The following NOS2 variants were observed in gnomAD, a reference collection of about 807,000 sequenced individuals.
The protein encoded by NOS2 is nitric oxide synthase 2, also known as nitric oxide synthase, inducible.
A neutral mutation model predicts 136.0 loss-of-function variants in NOS2; 96 were observed. The observed-to-expected ratio is 0.71, with a 90% CI of 0.60 to 0.84. NOS2 has a LOEUF of 0.84. Ranked by LOEUF, NOS2 falls within the 40% of genes least tolerant of loss-of-function variation. The probability of loss-of-function intolerance (pLI) is 0.00; values close to 1 mark genes in which losing one functional copy is unlikely to be tolerated. For missense variants in NOS2, 1,237 were observed against 1,496.9 expected (o/e 0.83, Z 2.87); for synonymous variants, 539 against 587.5 (o/e 0.92, Z 1.20).
intron 1 of NOS2, among the ~76,000 whole-genome samples, chr17:27,799,936 A>T (rs1909480279): frequency 6.6e-6 from 1 of 152,210 alleles, no homozygotes; most frequent in Admixed American, 6.5e-5. Flanking sequence ...TCTACCAGTT[A>T]TGTGTCCTGG....
rs766484932 is a variant in NOS2 at position 27,789,673 on chromosome 17, A to T, written c.126T>A (p.Asp42Glu). Reference sequence around the variant, plus strand: ...TGCTGAGGTTGTGATACTGAAGGTCATCCTGTGTCACTGGACTGTGAAAGG... The same window carrying T: ...TGCTGAGGTTGTGATACTGAAGGTCTTCCTGTGTCACTGGACTGTGAAAGG... ...PCATSSPVTQ[D>E]DLQYHNLSKQ... The change falls in exon 3 of 27, where the codon GAT becomes GAA. Residue 42 changes from aspartate (D) to glutamate (E), a missense_variant. Around this residue, in one of 3 missense-constraint regions of NOS2, gnomAD observed 440 missense variants for 545.4 expected, o/e 0.81. Transcript: ENST00000313735. 1.2e-6 allele frequency: 2 copies of T among 1,613,736 alleles called. No homozygotes were observed. Among genetic ancestry groups the T allele is most frequent in the African/African-American group, 1.3e-5 (1 of 74,928 alleles).
intron 18 of NOS2, 75 bp downstream of exon 18, chr17:27,767,630 G>A: frequency 5.9e-6 from 9 of 1,533,848 alleles, no homozygotes; most frequent in African/African-American, 1.4e-5. Flanking sequence ...AAAGACCTGG[G>A]GGTCTCCTTG....
rs368895736 is a variant in NOS2 at position 27,760,112 on chromosome 17, T to C, written c.3077A>G (p.Gln1026Arg). 17 of 1,607,442 alleles carry C rather than the reference T, an allele frequency of 1.1e-5. No homozygotes were observed. The highest frequency in any genetic ancestry group is 1.4e-5 in the Non-Finnish European group (17 of 1,177,180). Residue 1026 changes from glutamine to arginine, a missense_variant, in exon 25 of 27, where the codon CAG becomes CGG. This residue lies in a region of NOS2 where 782 missense variants were observed against 909.9 expected (regional missense o/e 0.86). Transcript: ENST00000313735. ...CRRPDEDHIY[Q>R]EEMLEMAQKG... is the part of the protein sequence containing the mutation. ...CTGGGCCATCTCCAGCATCTCCTCC[T>C]GGTAGATGTGGTCCTCATCTGGGCG...
intron 2 of NOS2, among the ~76,000 whole-genome samples, chr17:27,795,425 T>C (rs1274475185): frequency 6.6e-6 from 1 of 152,246 alleles, no homozygotes; most frequent in South Asian, 2.1e-4. Flanking sequence ...TTATCTATTG[T>C]TTTTAGCAGT....
intron 25 of NOS2, among the ~76,000 whole-genome samples, chr17:27,759,695 C>T (rs1206910847): frequency 6.6e-6 from 1 of 152,148 alleles, no homozygotes; most frequent in Non-Finnish European, 1.5e-5. Context: ...GCATCGGCCG[C>T]CCTCCAGCCT....
intron 6 of NOS2, among the ~76,000 whole-genome samples, chr17:27,782,511 C>T (rs1026602218): frequency 1.3e-5 from 2 of 152,166 alleles, no homozygotes; most frequent in Admixed American, 6.5e-5. Context: ...ATTTCTCTGT[C>T]CAAGTGCTTT....
intron 22 of NOS2, among the ~76,000 whole-genome samples, chr17:27,762,094 C>G (rs574994078): frequency 6.6e-6 from 1 of 152,110 alleles, no homozygotes; most frequent in African/African-American, 2.4e-5. Flanking sequence ...GTGGTGGAGC[C>G]GAGACCACCT....
chr17:27,768,331 A>G (rs1462721964), intron 17 of NOS2, among the ~76,000 whole-genome samples: 1 of 152,212 alleles, frequency 6.6e-6, no homozygotes, highest in Admixed American at 6.5e-5. Flanking sequence ...GATTGCAGGC[A>G]TGCTCCACTG....
At chr17:27,762,395 A>G (rs1431633192) in intron 22 of NOS2, among the ~76,000 whole-genome samples, 2 of 152,118 alleles carry the variant, frequency 1.3e-5, no homozygotes, top group South Asian at 2.1e-4. Context: ...ACTAAGAACC[A>G]CTGGCCTCCT....
At chr17:27,760,218 A>AGAGGGC (rs1290897574) in intron 24 of NOS2, 40 bp from the exon 25 acceptor site, 5 of 1,503,936 alleles carry the variant, frequency 3.3e-6, no homozygotes, top group Admixed American at 2.3e-5. Context: ...GTTGGCCACC[A>AGAGGGC]GAGGGCGCCA....
chr17:27,788,205 C>CACAG (rs1318928302), intron 4 of NOS2, among the ~76,000 whole-genome samples: 1 of 151,860 alleles, frequency 6.6e-6, no homozygotes, highest in Non-Finnish European at 1.5e-5. Flanking sequence ...TGCACACACA[C>CACAG]ACACACACAC....
chr17:27,800,374 A>T lies in NOS2; in HGVS notation c.-109T>A, dbSNP rs1383990908. ...GCTGCACTGCCTCCCCGGGGTAAGGACAGTCAAACCAGGAAGAGACCTGTG... is the reference window on the plus strand; with the variant it reads ...GCTGCACTGCCTCCCCGGGGTAAGGTCAGTCAAACCAGGAAGAGACCTGTG... On this transcript the variant is annotated 5_prime_UTR_variant, in exon 1 of 27. Coordinates refer to ENST00000313735, the MANE Select transcript of NOS2 (RefSeq NM_000625.4). 1.3e-5 allele frequency: 2 copies of T among 152,200 alleles called. No individual in the cohort carries two copies. The highest frequency in any genetic ancestry group is 2.9e-5 in the Non-Finnish European group (2 of 68,034). 9.4% of individuals were successfully genotyped at this position (152,200 alleles called of 1,614,324 possible).
intron 5 of NOS2, among the ~76,000 whole-genome samples, chr17:27,785,689 G>A (rs547214188): frequency 6.6e-5 from 10 of 152,108 alleles, no homozygotes; most frequent in Non-Finnish European, 1.5e-4. Context: ...CAGGTGCAGC[G>A]GCACACACCT....
rs189687047 is a variant in NOS2, at chr17:27,779,066, A to C, written c.1005-10T>G. ...CCGAAACCACTCGTATCTGGCAAAAAGGTAGACACAATTTAACTGGGGCCT... is the reference window on the plus strand; with the variant it reads ...CCGAAACCACTCGTATCTGGCAAAACGGTAGACACAATTTAACTGGGGCCT... On this transcript the variant is annotated splice_polypyrimidine_tract_variant and intron_variant, in intron 9 of 26. Transcript: ENST00000313735. The C allele has an allele frequency of 6.8e-7, 1 of 1,464,478 alleles. No individual in the cohort carries two copies. Among genetic ancestry groups the C allele is most frequent in the Admixed American group, 2.5e-5 (1 of 39,748 alleles). The allele number at this position is 1,464,478 out of a possible 1,614,324, so 90.7% of individuals were successfully genotyped here.
At chr17:27,768,896 G>A in intron 17 of NOS2, 81 bp downstream of exon 17, 1 of 1,406,530 alleles carries the variant, frequency 7.1e-7, no homozygotes, top group African/African-American at 1.4e-5. Flanking sequence ...CATGCCACCT[G>A]GGACGCCCAG....
chr17:27,797,495 C>T (rs2142532393), intron 2 of NOS2, among the ~76,000 whole-genome samples: 1 of 152,360 alleles, frequency 6.6e-6, no homozygotes, highest in South Asian at 2.1e-4. Context: ...AGTGGCAAAG[C>T]CACTTGCTCA....
Position 27,794,714 on chromosome 17 carries a change from G to GCACACACACACA in NOS2, c.110+3974_110+3985dup, listed in dbSNP as rs56767383. Reference sequence around the variant, plus strand: ...TACACACATGCGTACACACACACGCGCACACACACACACACACACACACAC... The same window carrying GCACACACACACA: ...TACACACATGCGTACACACACACGCGCACACACACACACACACACACACACACACACACACAC... On this transcript the variant is annotated intron_variant, in intron 2 of 26. Coordinates refer to ENST00000313735, the MANE Select transcript of NOS2 (RefSeq NM_000625.4). 9.9e-3 allele frequency among the ~76,000 whole-genome samples: 1,434 copies of GCACACACACACA among 145,580 alleles called. 26 individuals are homozygous for GCACACACACACA. Among genetic ancestry groups the GCACACACACACA allele is most frequent in the African/African-American group, 0.034 (1,341 of 39,464 alleles).
chr17:27,789,075 C>A (rs372758387), intron 3 of NOS2, 144 bp from the exon 4 acceptor site: 1 of 1,140,276 alleles, frequency 8.8e-7, no homozygotes, highest in Non-Finnish European at 1.2e-6. Flanking sequence ...AGCCCCCGGG[C>A]GACCTGGGCC....
chr17:27,759,038 C>A lies in NOS2; in HGVS notation c.3197G>T (p.Ser1066Ile), dbSNP rs1374744751. ...VQDILRQQLASEVLRVLHKEP... is the reference protein window; with the variant it reads ...VQDILRQQLAIEVLRVLHKEP... ...CTTGTGGAGCACACGGAGCACCTCG[C>A]TGGCCAGCTGCTGCCGCAGGATGTC... Residue 1066 changes from serine to isoleucine, a missense_variant, in exon 26 of 27, where the codon AGC (serine) becomes ATC (isoleucine). This residue lies in a region of NOS2 where 782 missense variants were observed against 909.9 expected (regional missense o/e 0.86). Coordinates refer to ENST00000313735, the MANE Select transcript of NOS2 (RefSeq NM_000625.4). 3 of 1,607,528 alleles carry A rather than the reference C, an allele frequency of 1.9e-6. No individual in the cohort carries two copies. Among genetic ancestry groups the A allele is most frequent in the Non-Finnish European group, 2.5e-6 (3 of 1,177,528 alleles).
Sources: gnomAD v4.1 joint callset for allele counts (sites outside exome capture counted in the v4.1 genomes callset) on GRCh38, gnomAD v4.1.1 for gene constraint, gnomAD v4.1.1 regional missense constraint, MANE v1.5 for transcripts, NCBI Gene and HGNC (gene_info 2026-07-23, HGNC 2026-07-21) for gene names.